DNAJC1: variants seen among roughly 807,000 people sequenced by gnomAD.
The protein encoded by DNAJC1 is dnaJ homolog subfamily C member 1.
A neutral mutation model predicts 76.6 loss-of-function variants in DNAJC1; 58 were observed. The observed-to-expected ratio is 0.76, with a 90% CI of 0.61 to 0.94. The LOEUF is 0.94. DNAJC1 is among the 40% of genes least tolerant of loss of function. The pLI is 0.00. For missense variants in DNAJC1, 689 were observed against 677.3 expected, an observed-to-expected ratio of 1.02 and a Z score of -0.19; for synonymous variants, 258 against 267.9, an observed-to-expected ratio of 0.96 and a Z score of 0.36.
At chr10:21,946,104 G>A (rs1021297564) in intron 1 of DNAJC1, among the ~76,000 whole-genome samples, 1 of 127,852 alleles carries the variant, frequency 7.8e-6, no homozygotes. Flanking sequence ...GCAGTGGCGC[G>A]ATCTCAGCTC....
At chr10:21,810,957 C>A (rs1834955035) in intron 8 of DNAJC1, among the ~76,000 whole-genome samples, 1 of 152,170 alleles carries the variant, frequency 6.6e-6, no homozygotes, top group Admixed American at 6.5e-5. Context: ...CAGTTTGCCT[C>A]CAAAGGGACC....
chr10:21,864,183 C>T (rs1364472147), intron 8 of DNAJC1, among the ~76,000 whole-genome samples: 1 of 152,130 alleles, frequency 6.6e-6, no homozygotes, highest in African/African-American at 2.4e-5. Context: ...AAGATCGTGC[C>T]ACTGCACTCC....
chr10:22,002,274 G>T (rs1302655979), intron 1 of DNAJC1, among the ~76,000 whole-genome samples: 1 of 152,162 alleles, frequency 6.6e-6, no homozygotes, highest in African/African-American at 2.4e-5. Context: ...GGCTCAATCA[G>T]ATCGTGTGAA....
At chr10:21,981,877 T>C (rs1838164557) in intron 1 of DNAJC1, among the ~76,000 whole-genome samples, 1 of 152,196 alleles carries the variant, frequency 6.6e-6, no homozygotes, top group African/African-American at 2.4e-5. Context: ...GCAAGAATTC[T>C]GCTAAGAGAG....
At chr10:21,881,534 G>C (rs1007784659) in intron 8 of DNAJC1, among the ~76,000 whole-genome samples, 15 of 152,188 alleles carry the variant, frequency 9.9e-5, no homozygotes, top group Non-Finnish European at 1.5e-4. Context: ...TTAGGGAGTA[G>C]GGAGACCAGA....
intron 8 of DNAJC1, among the ~76,000 whole-genome samples, chr10:21,824,645 G>A (rs976142142): frequency 6.6e-6 from 1 of 152,152 alleles, no homozygotes; most frequent in Admixed American, 6.5e-5. Flanking sequence ...AAACCACACT[G>A]CTCCCATCCA....
chr10:21,835,086 C>T (rs918980218), intron 8 of DNAJC1, among the ~76,000 whole-genome samples: 5 of 152,074 alleles, frequency 3.3e-5, no homozygotes, highest in African/African-American at 9.7e-5. Context: ...CCAGTAGGGG[C>T]GGAATGACAC....
intron 1 of DNAJC1, among the ~76,000 whole-genome samples, chr10:21,981,914 T>A (rs1590078432): frequency 6.6e-6 from 1 of 152,126 alleles, no homozygotes; most frequent in Non-Finnish European, 1.5e-5. Context: ...ACCATTGATA[T>A]CCGATCACCC....
At position 21,868,093 on chromosome 10, in the gene DNAJC1, A is replaced by C. The variant is rs542936456; in HGVS notation, c.978+14189T>G. ...TCTGTCTCCAAAAAAAAAAAAACAA[A>C]AAAAAAAACAACAACTGGAAACAAT... On this transcript the variant is annotated intron_variant, in intron 8 of 11. Transcript: ENST00000376980. Among the ~76,000 whole-genome samples the C allele has an allele frequency of 5.6e-3, 840 of 149,374 alleles. 22 individuals carry two copies. Among genetic ancestry groups the C allele is most frequent in the African/African-American group, 0.02 (791 of 40,414 alleles).
At chr10:21,955,664 T>C (rs1837667425) in intron 1 of DNAJC1, among the ~76,000 whole-genome samples, 1 of 152,196 alleles carries the variant, frequency 6.6e-6, no homozygotes, top group Non-Finnish European at 1.5e-5. Context: ...ATGAGAACAC[T>C]TAAAATCTAT....
At chr10:21,830,049 A>AT (rs1470954925) in intron 8 of DNAJC1, among the ~76,000 whole-genome samples, 2 of 152,112 alleles carry the variant, frequency 1.3e-5, no homozygotes, top group Non-Finnish European at 2.9e-5. Flanking sequence ...AATGTTTCTG[A>AT]TTTTTTTCTC....
chr10:21,987,424 C>T (rs915982839), intron 1 of DNAJC1, among the ~76,000 whole-genome samples: 1 of 152,072 alleles, frequency 6.6e-6, no homozygotes, highest in Non-Finnish European at 1.5e-5. Context: ...TATACAAAAG[C>T]TTTCAGAAGT....
At chr10:21,882,484 T>C in intron 7 of DNAJC1, 45 bp from the exon 8 acceptor site, 1 of 1,245,414 alleles carries the variant, frequency 8.0e-7, no homozygotes, top group Non-Finnish European at 1.1e-6. Context: ...TTTTAAAGAA[T>C]AAAATTAATT....
At chr10:21,950,219 T>A (rs994029532) in intron 1 of DNAJC1, among the ~76,000 whole-genome samples, 1 of 152,200 alleles carries the variant, frequency 6.6e-6, no homozygotes, top group Admixed American at 6.5e-5. Flanking sequence ...TCCAACAGCA[T>A]GTATTCCCTT....
intron 8 of DNAJC1, among the ~76,000 whole-genome samples, chr10:21,834,051 T>A (rs1323268923): frequency 2.0e-5 from 3 of 151,850 alleles, no homozygotes; most frequent in African/African-American, 7.3e-5. Flanking sequence ...GACCACGAGG[T>A]CAGGAGATCG....
intron 7 of DNAJC1, among the ~76,000 whole-genome samples, chr10:21,896,742 G>T (rs912065157): frequency 3.3e-5 from 5 of 151,986 alleles, no homozygotes; most frequent in Non-Finnish European, 5.9e-5. Context: ...GGAAGGGGGG[G>T]GTTCAGAAGT....
At chr10:21,860,945 A>G (rs182210641) in intron 8 of DNAJC1, 1 of 152,366 alleles carries the variant, frequency 6.6e-6, no homozygotes, top group Admixed American at 6.5e-5. Flanking sequence ...TGAGAAAGAG[A>G]ATACAGGCTT....
chr10:21,966,057 A>G (rs1382527373), intron 1 of DNAJC1, among the ~76,000 whole-genome samples: 1 of 152,148 alleles, frequency 6.6e-6, no homozygotes, highest in Non-Finnish European at 1.5e-5. Context: ...TGACACTTCT[A>G]AAGAGTACCA....
intron 9 of DNAJC1, among the ~76,000 whole-genome samples, chr10:21,786,241 G>C (rs571303187): frequency 2.0e-5 from 3 of 151,860 alleles, no homozygotes; most frequent in Non-Finnish European, 2.9e-5. Context: ...TCTGACACCT[G>C]AGTTACAATA....
Sources: allele counts gnomAD v4.1 joint callset (sites outside exome capture counted in the v4.1 genomes callset), GRCh38; gene constraint gnomAD v4.1.1; transcripts MANE v1.5; gene names NCBI Gene and HGNC (gene_info 2026-07-23, HGNC 2026-07-21).